The following MYO3B variants were observed in gnomAD, a reference collection of about 807,000 sequenced individuals.
MYO3B encodes the protein myosin-IIIb.
A neutral mutation model predicts 174.6 loss-of-function variants in MYO3B; 156 were observed. That is an observed-to-expected ratio of 0.89 (90% CI 0.78 to 1.02). The LOEUF is 1.02. MYO3B is among the 50% of genes least tolerant of loss of function. MYO3B has a pLI of 0.00. For synonymous variants in MYO3B, 563 were observed against 569.1 expected (o/e 0.99, Z 0.15); for missense variants, 1,632 against 1,639.4 (o/e 1.00, Z 0.08).
chr2:170,455,408 T>C (rs955400004), intron 23 of MYO3B, among the ~76,000 whole-genome samples: 1 of 152,218 alleles, frequency 6.6e-6, no homozygotes, highest in South Asian at 2.1e-4. Context: ...AGTGGCAGTA[T>C]ATAATGTTTA....
At position 170,527,831 on chromosome 2, in the gene MYO3B, A is replaced by C. The variant is rs115025599; in HGVS notation, c.3575+8291A>C. ...TAAGTGGACAAAAATGTTAGCTCTT[A>C]TTACTGTATCCCACATGAGATAATA... On this transcript the variant is annotated intron_variant, in intron 30 of 34. Coordinates refer to ENST00000408978, the MANE Select transcript of MYO3B (RefSeq NM_138995.5). Among the ~76,000 whole-genome samples the C allele has an allele frequency of 1.1e-3, 162 of 152,354 alleles. 1 individual carries two copies. Among genetic ancestry groups the C allele is most frequent in the African/African-American group, 3.7e-3 (155 of 41,596 alleles).
chr2:170,511,170 C>G (rs1039147698), intron 28 of MYO3B, among the ~76,000 whole-genome samples: 14 of 151,866 alleles, frequency 9.2e-5, no homozygotes, highest in Admixed American at 8.5e-4. Context: ...TGCCATTCTC[C>G]TGCCTCAGAC....
At chr2:170,326,419 C>T (rs1012650529) in intron 7 of MYO3B, among the ~76,000 whole-genome samples, 3 of 152,158 alleles carry the variant, frequency 2.0e-5, no homozygotes, top group Admixed American at 6.5e-5. Context: ...GGAAAAGGGT[C>T]GTTAGCCAGT....
At chr2:170,243,533 A>T (rs2093159185) in intron 7 of MYO3B, among the ~76,000 whole-genome samples, 1 of 152,232 alleles carries the variant, frequency 6.6e-6, no homozygotes, top group Non-Finnish European at 1.5e-5. Context: ...AAGTTACTGC[A>T]TGTCTGTGTG....
intron 14 of MYO3B, among the ~76,000 whole-genome samples, chr2:170,390,526 T>G (rs986850458): frequency 6.6e-6 from 1 of 152,114 alleles, no homozygotes; most frequent in African/African-American, 2.4e-5. Flanking sequence ...CAGAAGGGCT[T>G]TGACAGGATA....
intron 7 of MYO3B, among the ~76,000 whole-genome samples, chr2:170,253,897 G>T (rs1019622423): frequency 6.6e-6 from 1 of 151,598 alleles, no homozygotes; most frequent in Non-Finnish European, 1.5e-5. Context: ...ACGGGGGGCG[G>T]GGGCGGGCAG....
intron 8 of MYO3B, among the ~76,000 whole-genome samples, chr2:170,361,619 G>A (rs1462908059): frequency 1.3e-5 from 2 of 152,184 alleles, no homozygotes; most frequent in African/African-American, 4.8e-5. Context: ...CAGCCAACTC[G>A]GTCAGTATGC....
chr2:170,332,249 A>G (rs576524285), intron 7 of MYO3B: 1 of 152,218 alleles, frequency 6.6e-6, no homozygotes, highest in South Asian at 2.1e-4. Flanking sequence ...TCAAAATGCA[A>G]CCATCTAGTA....
In MYO3B at chr2:170,313,381, A is replaced by AAAAT. The variant is rs1214664640; in HGVS notation, c.750-21992_750-21989dup. 3.9e-5 allele frequency among the ~76,000 whole-genome samples: 6 copies of AAAAT among 152,338 alleles called. No individual in the cohort carries two copies. The East Asian group carries it at 9.6e-4, about 24-fold the overall frequency. On this transcript the variant is annotated intron_variant, in intron 7 of 34. Coordinates refer to ENST00000408978, the MANE Select transcript of MYO3B (RefSeq NM_138995.5). The stretch of plus-strand genomic sequence containing the variant: ...AAAGCTCCCCATATACATACTAAAA[A>AAAAT]AAATAAATAAATAAAGGTTAGGGGT...
In MYO3B at chr2:170,255,973, A is replaced by G. The variant is rs185756160; in HGVS notation, c.749+19837A>G. Among the ~76,000 whole-genome samples, 463 of 152,376 alleles carry G rather than the reference A, an allele frequency of 3.0e-3. 6 individuals carry two copies. Among genetic ancestry groups the G allele is most frequent in the African/African-American group, 0.01 (432 of 41,598 alleles). ...CAAACTGAACTTCTGGAATTGAAAA[A>G]TTCACTACAGGAATTTCAAAATACA... is the stretch of plus-strand genomic sequence containing the variant. On this transcript the variant is annotated intron_variant, in intron 7 of 34. Coordinates refer to ENST00000408978, the MANE Select transcript of MYO3B (RefSeq NM_138995.5).
Position 170,498,700 on chromosome 2 carries a change from A to T in MYO3B, c.3123A>T (p.Thr1041=), listed in dbSNP as rs1687037468. 4.4e-6 allele frequency: 7 copies of T among 1,582,636 alleles called. No homozygotes were observed. The highest frequency in any genetic ancestry group is 6.1e-6 in the Non-Finnish European group (7 of 1,151,662). ...SRLDHWVLGK[T]KVFLKYYHVE... is the part of the protein sequence containing the mutation. ...TAGATCACTGGGTACTGGGAAAAAC[A>T]AAGGTAGTTCGTTCTTTATTGTTCA... The change falls in exon 26 of 35, where the codon ACA becomes ACT. Residue 1041 remains threonine, a synonymous_variant. Coordinates refer to ENST00000408978, the MANE Select transcript of MYO3B (RefSeq NM_138995.5).
At chr2:170,248,472 T>C (rs1217274080) in intron 7 of MYO3B, among the ~76,000 whole-genome samples, 5 of 152,222 alleles carry the variant, frequency 3.3e-5, no homozygotes, top group Non-Finnish European at 4.4e-5. Context: ...AGATTTATTA[T>C]CCTTTAGTTC....
chr2:170,486,866 T>C, intron 25 of MYO3B, among the ~76,000 whole-genome samples: 1 of 152,242 alleles, frequency 6.6e-6, no homozygotes, highest in Non-Finnish European at 1.5e-5. Flanking sequence ...CAGAAGCTTC[T>C]AAGCATCTAC....
At chr2:170,438,150 T>C (rs1463374182) in intron 22 of MYO3B, among the ~76,000 whole-genome samples, 1 of 152,216 alleles carries the variant, frequency 6.6e-6, no homozygotes. Flanking sequence ...TGACTACTTT[T>C]GATATCTCAT....
At chr2:170,546,189 C>T (rs1690470026) in intron 32 of MYO3B, among the ~76,000 whole-genome samples, 1 of 152,168 alleles carries the variant, frequency 6.6e-6, no homozygotes, top group South Asian at 2.1e-4. Flanking sequence ...TGGCTCCCTA[C>T]TCTTTTACTC....
At chr2:170,547,784 T>G (rs571871540) in intron 32 of MYO3B, among the ~76,000 whole-genome samples, 2 of 152,186 alleles carry the variant, frequency 1.3e-5, no homozygotes, top group African/African-American at 4.8e-5. Context: ...CAGAGGGAGA[T>G]AGACAATAAA....
chr2:170,192,921 A>AT (rs769209401), intron 1 of MYO3B, among the ~76,000 whole-genome samples: 2 of 151,752 alleles, frequency 1.3e-5, no homozygotes, highest in Non-Finnish European at 2.9e-5. Context: ...CTTGGAATGT[A>AT]TTGAGGCTTT....
At chr2:170,331,921 C>CT (rs2093914426) in intron 7 of MYO3B, among the ~76,000 whole-genome samples, 1 of 152,176 alleles carries the variant, frequency 6.6e-6, no homozygotes, top group Non-Finnish European at 1.5e-5. Context: ...TTCTGCCTCC[C>CT]TCTTCCACTT....
At chr2:170,595,761 GA>G (rs1694106708) in intron 32 of MYO3B, among the ~76,000 whole-genome samples, 1 of 152,016 alleles carries the variant, frequency 6.6e-6, no homozygotes. Context: ...AGGGTATTCC[GA>G]GCTATCCAAG....
Sources: allele counts gnomAD v4.1 joint callset (sites outside exome capture counted in the v4.1 genomes callset), GRCh38; gene constraint gnomAD v4.1.1; transcripts MANE v1.5; gene names NCBI Gene and HGNC (gene_info 2026-07-23, HGNC 2026-07-21).